Variants in CCSER1 observed in about 807,000 individuals in gnomAD.
The protein encoded by CCSER1 is coiled-coil serine rich protein 1, also known as serine-rich coiled-coil domain-containing protein 1.
CCSER1 carries 41 observed loss-of-function variants against 82.0 expected under a neutral mutation model. That is an observed-to-expected ratio of 0.50 (90% CI 0.39 to 0.65). The LOEUF (loss-of-function observed/expected upper bound fraction) is 0.65, where lower values mean the gene tolerates loss of function less well. Among genes scored for constraint, CCSER1 ranks in the 30% least tolerant of loss-of-function variants. CCSER1 has a pLI of 0.00. For synonymous variants in CCSER1, 414 were observed against 383.9 expected, an observed-to-expected ratio of 1.08 and a Z score of -0.92; for missense variants, 1,119 against 1,064.2, an observed-to-expected ratio of 1.05 and a Z score of -0.72.
chr4:90,548,225 A>G (rs1216602502), intron 5 of CCSER1, among the ~76,000 whole-genome samples: 1 of 152,170 alleles, frequency 6.6e-6, no homozygotes, highest in Non-Finnish European at 1.5e-5. Context: ...TTACGCAGCT[A>G]AAGGAAAAGT....
chr4:90,907,321 G>C (rs1160298269), intron 8 of CCSER1, among the ~76,000 whole-genome samples: 2 of 152,118 alleles, frequency 1.3e-5, no homozygotes, highest in African/African-American at 4.8e-5. Flanking sequence ...GGAATGGAGA[G>C]CCCCTGACAA....
intron 10 of CCSER1, among the ~76,000 whole-genome samples, chr4:91,172,152 A>C (rs72872964): frequency 0.039 from 6,005 of 152,282 alleles, 361 homozygotes; most frequent in African/African-American, 0.13. Flanking sequence ...TTGCAACGTC[A>C]TATCACATAT....
intron 1 of CCSER1, among the ~76,000 whole-genome samples, chr4:90,221,724 G>A (rs1742189570): frequency 6.6e-6 from 1 of 152,074 alleles, no homozygotes; most frequent in Non-Finnish European, 1.5e-5. Context: ...ACTGTATAAT[G>A]TCTGCTGTAA....
At chr4:90,898,688 A>G (rs1561325757) in intron 8 of CCSER1, among the ~76,000 whole-genome samples, 2 of 152,000 alleles carry the variant, frequency 1.3e-5, no homozygotes, top group Non-Finnish European at 2.9e-5. Flanking sequence ...TCTCAGCACC[A>G]TTTATTGAAT....
intron 10 of CCSER1, among the ~76,000 whole-genome samples, chr4:91,444,415 A>C (rs1180843412): frequency 6.6e-6 from 1 of 151,826 alleles, no homozygotes; most frequent in Non-Finnish European, 1.5e-5. Context: ...ATTCACGAAC[A>C]CACTGAGCAC....
At chr4:91,113,122 C>T (rs1171567844) in intron 10 of CCSER1, among the ~76,000 whole-genome samples, 1 of 152,142 alleles carries the variant, frequency 6.6e-6, no homozygotes, top group Non-Finnish European at 1.5e-5. Context: ...GTCTGTTTTA[C>T]TAAATCAAGA....
In CCSER1 at chr4:91,079,951, C is replaced by A. The variant is rs187325179; in HGVS notation, c.2173-5999C>A. Reference sequence around the variant, plus strand: ...AGAGACCTAAAAAGGGACTTAGACTCCCACACAATAATAATGGCAGACTTT... The same window carrying A: ...AGAGACCTAAAAAGGGACTTAGACTACCACACAATAATAATGGCAGACTTT... On this transcript the variant is annotated intron_variant, in intron 9 of 10. Transcript: ENST00000509176. Among the ~76,000 whole-genome samples, 34 of 152,238 alleles carry A rather than the reference C, an allele frequency of 2.2e-4. 1 individual carries two copies. The East Asian group carries it at 5.4e-3, about 24-fold the overall frequency.
At chr4:90,245,681 T>G (rs1178874073) in intron 1 of CCSER1, among the ~76,000 whole-genome samples, 1 of 152,188 alleles carries the variant, frequency 6.6e-6, no homozygotes, top group Non-Finnish European at 1.5e-5. Context: ...AAACAGTTTA[T>G]AGTGTTTCTG....
chr4:91,563,503 T>C (rs532020467), intron 10 of CCSER1, among the ~76,000 whole-genome samples: 1 of 151,160 alleles, frequency 6.6e-6, no homozygotes, highest in South Asian at 2.1e-4. Context: ...TCTCTGCAAA[T>C]TAGATATAGT....
intron 10 of CCSER1, among the ~76,000 whole-genome samples, chr4:91,359,936 T>C (rs928698292): frequency 9.9e-5 from 15 of 151,874 alleles, no homozygotes; most frequent in Admixed American, 7.2e-4. Context: ...GCATTATCTC[T>C]TTTATTTTGG....
chr4:90,675,205 G>T (rs1209960571), intron 6 of CCSER1, among the ~76,000 whole-genome samples: 3 of 151,940 alleles, frequency 2.0e-5, no homozygotes, highest in Non-Finnish European at 4.4e-5. Context: ...AAAAGTGAAA[G>T]AGAAGATCTG....
At position 90,524,952 on chromosome 4, in the gene CCSER1, T is replaced by C. The variant is rs188079255; in HGVS notation, c.1724+56598T>C. Among the ~76,000 whole-genome samples, 578 of 152,272 alleles carry C rather than the reference T, an allele frequency of 3.8e-3. 1 individual carries two copies. The highest frequency in any genetic ancestry group is 6.6e-3 in the Non-Finnish European group (447 of 68,026). The stretch of plus-strand genomic sequence containing the variant: ...AAAGGAGTGAAAGCAGTAAAAGATA[T>C]ATGAAACTTAATCTCCTCATTTAAA... On this transcript the variant is annotated intron_variant, in intron 5 of 10. Transcript: ENST00000509176.
chr4:90,995,704 AG>A (rs1737433689), intron 9 of CCSER1, among the ~76,000 whole-genome samples: 1 of 152,236 alleles, frequency 6.6e-6, no homozygotes, highest in South Asian at 2.1e-4. Context: ...AACATAATTA[AG>A]AAAGACTGTA....
At chr4:90,619,381 A>C (rs942712743) in intron 5 of CCSER1, among the ~76,000 whole-genome samples, 2 of 152,070 alleles carry the variant, frequency 1.3e-5, no homozygotes, top group African/African-American at 2.4e-5. Context: ...GTGTTCCAAC[A>C]CAGCAGATGA....
chr4:91,088,571 G>A (rs764245987), intron 10 of CCSER1, among the ~76,000 whole-genome samples: 7 of 152,058 alleles, frequency 4.6e-5, no homozygotes, highest in Non-Finnish European at 1.0e-4. Context: ...TTGCTAAATT[G>A]TGAAATATAC....
intron 10 of CCSER1, among the ~76,000 whole-genome samples, chr4:91,262,604 A>G (rs1450452410): frequency 2.6e-5 from 4 of 152,126 alleles, no homozygotes; most frequent in Non-Finnish European, 5.9e-5. Flanking sequence ...TTAGATTCAT[A>G]GTAAAAACAC....
At chr4:90,359,941 C>T (rs1238969816) in intron 3 of CCSER1, among the ~76,000 whole-genome samples, 5 of 139,992 alleles carry the variant, frequency 3.6e-5, no homozygotes, top group Admixed American at 7.3e-5. Flanking sequence ...TTTTTTGAGA[C>T]GGAGTCTCAC....
At chr4:90,604,332 C>A (rs34066034) in intron 5 of CCSER1, among the ~76,000 whole-genome samples, 1 of 151,900 alleles carries the variant, frequency 6.6e-6, no homozygotes, top group Non-Finnish European at 1.5e-5. Flanking sequence ...CCATGTGTAC[C>A]GGAGAGAATA....
intron 8 of CCSER1, among the ~76,000 whole-genome samples, chr4:90,866,121 T>A (rs1765698980): frequency 6.6e-6 from 1 of 151,860 alleles, no homozygotes; most frequent in African/African-American, 2.4e-5. Context: ...TGAAATTGGG[T>A]ATTACAATTC....
Sources: gnomAD v4.1 joint callset for allele counts (sites outside exome capture counted in the v4.1 genomes callset) on GRCh38, gnomAD v4.1.1 for gene constraint, MANE v1.5 for transcripts, NCBI Gene and HGNC (gene_info 2026-07-23, HGNC 2026-07-21) for gene names.